F8: variants seen among roughly 807,000 people sequenced by gnomAD.
F8 encodes the protein coagulation factor VIII.
F8 carries 12 observed loss-of-function variants against 140.6 expected under a neutral mutation model. That is an observed-to-expected ratio of 0.09 (90% CI 0.05 to 0.14). The LOEUF is 0.14. Ranked by LOEUF, F8 falls within the 10% of genes least tolerant of loss-of-function variation. F8 has a pLI of 1.00. For missense variants in F8, 1,354 were observed against 1,720.7 expected, an observed-to-expected ratio of 0.79 and a Z score of 3.77; for synonymous variants, 585 against 614.6, an observed-to-expected ratio of 0.95 and a Z score of 0.71.
chrX:154,978,981 G>C (rs1249137970), intron 6 of F8, among the ~76,000 whole-genome samples: 2 of 111,127 alleles, frequency 1.8e-5, no homozygotes, highest in Non-Finnish European at 3.8e-5. Flanking sequence ...TGGCAGCAGT[G>C]GGCTGAGTGT....
At chrX:154,979,492 C>T (rs1337276014) in intron 6 of F8, among the ~76,000 whole-genome samples, 5 of 110,861 alleles carry the variant, frequency 4.5e-5, no homozygotes, top group Admixed American at 3.8e-4. Flanking sequence ...GGGGTGATAC[C>T]GAGGTCACTA....
chrX:154,924,265 G>C (rs1378679352), intron 14 of F8, among the ~76,000 whole-genome samples: 2 of 112,088 alleles, frequency 1.8e-5, no homozygotes, highest in Non-Finnish European at 3.8e-5. Flanking sequence ...CTGGGTAACA[G>C]GCAGAGGTTG....
chrX:155,012,192 G>T (rs937754917), intron 1 of F8, among the ~76,000 whole-genome samples: 2 of 112,196 alleles, frequency 1.8e-5, no homozygotes, highest in Non-Finnish European at 1.9e-5. Context: ...GAAAGGAAAA[G>T]AATCTCCACA....
chrX:154,947,094 G>A (rs112026328), intron 13 of F8, among the ~76,000 whole-genome samples: 8 of 108,200 alleles, frequency 7.4e-5, no homozygotes, highest in Admixed American at 2.0e-4. Context: ...GTGTGGTGGC[G>A]GGCACCTGTA....
At chrX:154,855,854 C>G (rs186545763) in intron 25 of F8, among the ~76,000 whole-genome samples, 36 of 111,273 alleles carry the variant, frequency 3.2e-4, no homozygotes, top group African/African-American at 1.1e-3. Flanking sequence ...GCACTACACT[C>G]CAAAATCATG....
intron 14 of F8, among the ~76,000 whole-genome samples, chrX:154,912,878 G>T (rs1310723331): frequency 9.0e-6 from 1 of 111,160 alleles, no homozygotes; most frequent in Non-Finnish European, 1.9e-5. Flanking sequence ...GTGACAGAAG[G>T]GGAAATGCCA....
At chrX:155,009,081 A>ATT (rs781938309) in intron 1 of F8, among the ~76,000 whole-genome samples, 20 of 98,041 alleles carry the variant, frequency 2.0e-4, no homozygotes, top group African/African-American at 3.3e-4. Context: ...AGTAACATTA[A>ATT]TTTTTTTTTT....
intron 18 of F8, among the ~76,000 whole-genome samples, chrX:154,902,828 C>T: frequency 8.9e-6 from 1 of 112,016 alleles, no homozygotes; most frequent in Non-Finnish European, 1.9e-5. Context: ...TATCCCCTTA[C>T]CTTTAACCTA....
rs893501157 is a variant in F8 at position 154,907,425 on chromosome X, A to G, written c.5220-852T>C. On this transcript the variant is annotated intron_variant, in intron 14 of 25. Transcript: ENST00000360256. ...GACCTGCTATAACCTTCTGGTGCAT[A>G]TCTTTTGGTGAACATATATGTGCAT... Among the ~76,000 whole-genome samples the G allele has an allele frequency of 2.7e-5, 3 of 111,684 alleles. No individual in the cohort carries two copies. The Admixed American group carries it at 2.9e-4, about 11-fold the overall frequency.
rs141580411 is a variant in F8, at chrX:155,000,793, C to T, written c.144-1193G>A. Among the ~76,000 whole-genome samples the T allele has an allele frequency of 5.3e-3, 594 of 112,037 alleles. 6 individuals are homozygous for T. The highest frequency in any genetic ancestry group is 0.018 in the African/African-American group (566 of 30,780). On this transcript the variant is annotated intron_variant, in intron 1 of 25. Coordinates refer to ENST00000360256, the MANE Select transcript of F8 (RefSeq NM_000132.4). ...TCGAGTCGCATGTCTTATTGACTCT[C>T]AGGGACTTTTGAAAAGTGGTAGATG...
At chrX:154,873,737 C>T (rs1557273792) in intron 22 of F8, among the ~76,000 whole-genome samples, 2 of 111,739 alleles carry the variant, frequency 1.8e-5, no homozygotes, top group African/African-American at 3.2e-5. Flanking sequence ...GAACACACAA[C>T]GGGGAAAAGA....
chrX:154,837,524 G>A lies in F8; in HGVS notation c.*73C>T. ...GATTTAGCACAAAGGTAGAAGGCAAGCCAGGGAGGGACACTGCCCTGGAGC... is the reference window on the plus strand; with the variant it reads ...GATTTAGCACAAAGGTAGAAGGCAAACCAGGGAGGGACACTGCCCTGGAGC... On this transcript the variant is annotated 3_prime_UTR_variant, in exon 26 of 26. Transcript: ENST00000360256. 1 of 1,107,153 alleles carries A rather than the reference G, an allele frequency of 9.0e-7. No homozygotes were observed. Among genetic ancestry groups the A allele is most frequent in the Non-Finnish European group, 1.2e-6 (1 of 817,603 alleles). 91.2% of individuals were successfully genotyped at this position (1,107,153 alleles called of 1,213,427 possible).
chrX:154,941,763 G>T (rs1340891948), intron 13 of F8, among the ~76,000 whole-genome samples: 5 of 109,571 alleles, frequency 4.6e-5, no homozygotes, highest in African/African-American at 1.7e-4. Context: ...CACATAGTTG[G>T]AAGTAAAGCT....
At chrX:154,982,585 C>G (rs2073534927) in intron 6 of F8, among the ~76,000 whole-genome samples, 1 of 109,781 alleles carries the variant, frequency 9.1e-6, no homozygotes, top group Non-Finnish European at 1.9e-5. Flanking sequence ...TTTATAAAAA[C>G]TTACATACTT....
rs2072706981 is a variant in F8 at position 154,863,187 on chromosome X, T to C, written c.6470A>G (p.Asn2157Ser). ...GNVDSSGIKH[N>S]IFNPPIIARY... ...AGCAATAATTGGAGGGTTAAAAATA[T>C]TGTGTTTTATCCCAGATGAATCCAC... Residue 2157 changes from asparagine to serine, a missense_variant, in exon 23 of 26, where the codon AAT (asparagine) becomes AGT (serine). By Grantham distance (46) the Asn-to-Ser change is conservative (BLOSUM62 1). This residue lies in a region of F8 where 316 missense variants were observed against 485.4 expected (regional missense o/e 0.65). Transcript: ENST00000360256. The C allele has an allele frequency of 8.3e-7, 1 of 1,208,912 alleles. No individual in the cohort carries two copies. Among genetic ancestry groups the C allele is most frequent in the Non-Finnish European group, 1.1e-6 (1 of 892,734 alleles).
At chrX:154,845,210 A>G (rs2072555652) in intron 25 of F8, among the ~76,000 whole-genome samples, 1 of 111,335 alleles carries the variant, frequency 9.0e-6, no homozygotes, top group African/African-American at 3.3e-5. Context: ...TTTATTGAGG[A>G]TTTTTGCATC....
chrX:155,015,904 T>A (rs2073731770), intron 1 of F8, among the ~76,000 whole-genome samples: 1 of 112,483 alleles, frequency 8.9e-6, no homozygotes, highest in Non-Finnish European at 1.9e-5. Flanking sequence ...AATTAGCACA[T>A]GCAAAGATGC....
intron 1 of F8, among the ~76,000 whole-genome samples, chrX:155,021,420 C>G (rs985741694): frequency 2.7e-5 from 3 of 111,147 alleles, no homozygotes; most frequent in Non-Finnish European, 3.8e-5. Flanking sequence ...TTATAATACA[C>G]ATTTAAAGAA....
rs781978690 is a variant in F8 at position 154,929,556 on chromosome X, C to A, written c.4234G>T (p.Val1412Leu). ...GGTCTAATAGATGGAAATGATGATA[C>A]CTTTGCAATGGGTAATGGAGATCTA... ...ANRSPLPIAK[V>L]SSFPSIRPIY... The change falls in exon 14 of 26, where the codon GTA becomes TTA. Residue 1412 changes from valine (V) to leucine (L), a missense_variant. Transcript: ENST00000360256. 1.2e-5 allele frequency: 15 copies of A among 1,208,929 alleles called. No homozygotes were observed. In the East Asian group the frequency reaches 3.9e-4, roughly 31 times the overall value.
Sources: gnomAD v4.1 joint callset for allele counts (sites outside exome capture counted in the v4.1 genomes callset) on GRCh38, gnomAD v4.1.1 for gene constraint, gnomAD v4.1.1 regional missense constraint, MANE v1.5 for transcripts, NCBI Gene and HGNC (gene_info 2026-07-23, HGNC 2026-07-21) for gene names.